Variants in GALNT13 observed in about 807,000 individuals in gnomAD.
GALNT13 encodes polypeptide N-acetylgalactosaminyltransferase 13, also known as UDP-GalNAc:polypeptide N-acetylgalactosaminyltransferase 13.
GALNT13 carries 28 observed loss-of-function variants against 64.2 expected under a neutral mutation model. The observed-to-expected ratio is 0.44, with a 90% CI of 0.32 to 0.60. GALNT13 has a LOEUF of 0.60. GALNT13 is among the 20% of genes least tolerant of loss of function. GALNT13 has a pLI of 0.05. For synonymous variants in GALNT13, 214 were observed against 224.6 expected (o/e 0.95, Z 0.42); for missense variants, 577 against 669.8 (o/e 0.86, Z 1.53).
chr2:153,924,020 T>C (rs559863414), intron 2 of GALNT13, among the ~76,000 whole-genome samples: 56 of 152,290 alleles, frequency 3.7e-4, no homozygotes, highest in Non-Finnish European at 2.2e-4. Flanking sequence ...TGTGTCTTTA[T>C]AGCAGCATGT....
chr2:154,170,734 A>C (rs1559002485), intron 4 of GALNT13, among the ~76,000 whole-genome samples: 2 of 152,234 alleles, frequency 1.3e-5, no homozygotes, highest in South Asian at 4.1e-4. Context: ...AGTTATTGGA[A>C]TAGCACCTAA....
the GALNT13 span, among the ~76,000 whole-genome samples, chr2:153,142,092 T>C: frequency 6.6e-6 from 1 of 152,132 alleles, no homozygotes; most frequent in Non-Finnish European, 1.5e-5. Flanking sequence ...AACTGCTGAA[T>C]TCTTTGTACC....
At chr2:153,883,766 G>C (rs1247024541) in intron 1 of GALNT13, among the ~76,000 whole-genome samples, 1 of 152,000 alleles carries the variant, frequency 6.6e-6, no homozygotes, top group African/African-American at 2.4e-5. Flanking sequence ...AAAAAAAGTA[G>C]AAATGTCAGG....
chr2:153,299,436 G>T, the GALNT13 span, among the ~76,000 whole-genome samples: 1 of 152,150 alleles, frequency 6.6e-6, no homozygotes, highest in Admixed American at 6.5e-5. Context: ...GTACTAAAGG[G>T]CTAGCAATAA....
chr2:153,969,197 A>G (rs1325287512), intron 3 of GALNT13, among the ~76,000 whole-genome samples: 1 of 152,072 alleles, frequency 6.6e-6, no homozygotes, highest in East Asian at 1.9e-4. Flanking sequence ...TTTTTTGAGG[A>G]TTAAAGAGGT....
the GALNT13 span, among the ~76,000 whole-genome samples, chr2:153,186,219 C>G: frequency 1.3e-5 from 2 of 151,956 alleles, no homozygotes; most frequent in African/African-American, 4.8e-5. Context: ...TCATGCCCTT[C>G]TTTGTCTTTT....
chr2:153,513,846 C>T, the GALNT13 span, among the ~76,000 whole-genome samples: 3 of 152,158 alleles, frequency 2.0e-5, no homozygotes, highest in Non-Finnish European at 4.4e-5. Context: ...CCTCCAGCTG[C>T]GGTTTTCTGT....
At chr2:153,194,697 C>T in the GALNT13 span, among the ~76,000 whole-genome samples, 41 of 152,168 alleles carry the variant, frequency 2.7e-4, no homozygotes, top group Non-Finnish European at 5.1e-4. Context: ...TTGGATGTAA[C>T]ACTCACTTCT....
At chr2:153,830,756 T>C in the GALNT13 span, among the ~76,000 whole-genome samples, 1 of 152,156 alleles carries the variant, frequency 6.6e-6, no homozygotes, top group Non-Finnish European at 1.5e-5. Context: ...TGTTCCTAGG[T>C]ATCATTATCC....
chr2:153,562,060 CTGTG>C, the GALNT13 span, among the ~76,000 whole-genome samples: 1,119 of 118,864 alleles, frequency 9.4e-3, 10 homozygotes, highest in South Asian at 0.029. Flanking sequence ...CTCTCTCTCT[CTGTG>C]TGTGTGTGTG....
chr2:154,299,774 G>C (rs993026709), intron 8 of GALNT13, among the ~76,000 whole-genome samples: 7 of 151,846 alleles, frequency 4.6e-5, no homozygotes, highest in Admixed American at 1.3e-4. Context: ...GAAATACGTT[G>C]ATTATTTAAG....
At chr2:154,348,830 A>T (rs562671553) in intron 9 of GALNT13, among the ~76,000 whole-genome samples, 1 of 152,282 alleles carries the variant, frequency 6.6e-6, no homozygotes, top group East Asian at 1.9e-4. Flanking sequence ...AGAGGTGAGC[A>T]TTCAGGATGA....
chr2:153,743,875 G>A, the GALNT13 span, among the ~76,000 whole-genome samples: 2 of 151,872 alleles, frequency 1.3e-5, no homozygotes, highest in African/African-American at 4.8e-5. Flanking sequence ...TTCTCCATAA[G>A]TTCAATTCCT....
At chr2:154,299,720 C>T (rs1432831829) in intron 8 of GALNT13, among the ~76,000 whole-genome samples, 7 of 151,842 alleles carry the variant, frequency 4.6e-5, no homozygotes, top group Non-Finnish European at 1.0e-4. Context: ...ACCTCGGCCT[C>T]CCAAAGTGCT....
At chr2:153,500,931 C>CA in the GALNT13 span, among the ~76,000 whole-genome samples, 1 of 151,974 alleles carries the variant, frequency 6.6e-6, no homozygotes, top group Non-Finnish European at 1.5e-5. Context: ...ATATTATTCA[C>CA]AAAAATATAA....
chr2:153,710,917 C>T, the GALNT13 span, among the ~76,000 whole-genome samples: 1 of 151,824 alleles, frequency 6.6e-6, no homozygotes, highest in Non-Finnish European at 1.5e-5. Context: ...AAGGTCACTA[C>T]CCTTCAGTAC....
chr2:154,024,425 G>C (rs112300656), intron 3 of GALNT13, among the ~76,000 whole-genome samples: 2 of 151,652 alleles, frequency 1.3e-5, no homozygotes, highest in Non-Finnish European at 2.9e-5. Flanking sequence ...TTCCCTTCTC[G>C]CTTCATTTCA....
chr2:153,683,158 G>T, the GALNT13 span, among the ~76,000 whole-genome samples: 1 of 151,698 alleles, frequency 6.6e-6, no homozygotes, highest in Non-Finnish European at 1.5e-5. Context: ...GAGCTCTGAT[G>T]TCAGAAAAAC....
intron 3 of GALNT13, among the ~76,000 whole-genome samples, chr2:154,049,778 C>A (rs529821033): frequency 8.6e-5 from 13 of 151,848 alleles, no homozygotes; most frequent in Admixed American, 3.9e-4. Context: ...AATGGGTTGT[C>A]TATTACTGAT....
Sources: gnomAD v4.1 joint callset for allele counts (sites outside exome capture counted in the v4.1 genomes callset) on GRCh38, gnomAD v4.1.1 for gene constraint, MANE v1.5 for transcripts, NCBI Gene and HGNC (gene_info 2026-07-23, HGNC 2026-07-21) for gene names.